The following GNPTAB variants were observed in gnomAD, a reference collection of about 807,000 sequenced individuals.
GNPTAB encodes the protein N-acetylglucosamine-1-phosphotransferase subunits alpha/beta.
Under a neutral mutation model 136.6 loss-of-function variants are expected in GNPTAB, and 92 were observed. The ratio of observed to expected loss-of-function variants is 0.67; its 90% CI spans 0.57 to 0.80. The LOEUF is 0.80. Ranked by LOEUF, GNPTAB falls within the 30% of genes least tolerant of loss-of-function variation. The pLI, the probability that GNPTAB is intolerant of heterozygous loss-of-function variation, is 0.00. For synonymous variants in GNPTAB, 512 were observed against 535.1 expected, an observed-to-expected ratio of 0.96 and a Z score of 0.60; for missense variants, 1,343 against 1,501.8, an observed-to-expected ratio of 0.89 and a Z score of 1.75.
chr12:101,765,752 T>C (rs1371378156), intron 12 of GNPTAB: 4 of 359,368 alleles, frequency 1.1e-5, no homozygotes, highest in South Asian at 1.0e-4. Context: ...TAATACGCTA[T>C]CAACAAAATC....
intron 18 of GNPTAB, 82 bp from the exon 19 acceptor site, chr12:101,753,621 A>G: frequency 9.0e-7 from 1 of 1,114,102 alleles, no homozygotes; most frequent in Non-Finnish European, 1.4e-6. Context: ...TTCCAAATAT[A>G]TTTTAAATGG....
At chr12:101,758,049 T>C (rs1455629108) in intron 16 of GNPTAB, among the ~76,000 whole-genome samples, 6 of 151,444 alleles carry the variant, frequency 4.0e-5, no homozygotes, top group African/African-American at 1.5e-4. Flanking sequence ...TTTTTTTTTT[T>C]TTTTTTTGAG....
chr12:101,812,326 C>G (rs1406981694), intron 1 of GNPTAB, among the ~76,000 whole-genome samples: 1 of 152,104 alleles, frequency 6.6e-6, no homozygotes, highest in Non-Finnish European at 1.5e-5. Flanking sequence ...GGGGAAGTCC[C>G]CCACTATGAT....
intron 16 of GNPTAB, among the ~76,000 whole-genome samples, chr12:101,759,193 C>G (rs1282036309): frequency 6.6e-6 from 1 of 151,986 alleles, no homozygotes; most frequent in Non-Finnish European, 1.5e-5. Flanking sequence ...GAAACCCCGT[C>G]TCTACTAAAA....
chr12:101,818,807 G>A (rs184311236), intron 1 of GNPTAB, among the ~76,000 whole-genome samples: 114 of 152,218 alleles, frequency 7.5e-4, no homozygotes, highest in East Asian at 2.3e-3. Context: ...GGAGGTAACC[G>A]AATCATGGGA....
Position 101,764,871 on chromosome 12 carries a change from A to T in GNPTAB, c.2046T>A (p.Asp682Glu). 1 of 1,614,196 alleles carries T rather than the reference A, an allele frequency of 6.2e-7. No homozygotes were observed. The highest frequency in any genetic ancestry group is 8.5e-7 in the Non-Finnish European group (1 of 1,180,026). The part of the protein sequence containing the change: ...EKRFPKFKRH[D>E]VNSTRRAQEE... ...CCTGGGCTCTCCTTGTTGAGTTAAC[A>T]TCATGTCTCTTAAACTTCGGGAAGC... The change falls in exon 13 of 21, where the codon GAT becomes GAA. Residue 682 changes from aspartate (D) to glutamate (E), a missense_variant. By Grantham distance (45) the Asp-to-Glu change is conservative. Transcript: ENST00000299314.
At position 101,761,740 on chromosome 12, in the gene GNPTAB, TTG is replaced by T. The variant is rs2137113019; in HGVS notation, c.2737_2738del (p.Gln913IlefsTer6). On this transcript the variant is annotated frameshift_variant, in exon 14 of 21. Coordinates refer to ENST00000299314, the MANE Select transcript of GNPTAB (RefSeq NM_024312.5). LOFTEE classifies it high-confidence loss of function. ...TTTTGCTATCAGTGAAGTATGCCAA[TTG>T]TGTCTTCAATGACTCTTCTTCCTGA... ...LLDEEESLKTQLAYFTDSKNT... is the reference protein window; with the variant it reads ...LLDEEESLKTXLAYFTDSKNT... The T allele has an allele frequency of 1.2e-6, 2 of 1,613,322 alleles. No homozygotes were observed. Among genetic ancestry groups the T allele is most frequent in the Non-Finnish European group, 8.5e-7 (1 of 1,179,300 alleles).
chr12:101,774,234 T>C (rs924562387), intron 7 of GNPTAB, among the ~76,000 whole-genome samples: 6 of 152,178 alleles, frequency 3.9e-5, no homozygotes, highest in African/African-American at 9.7e-5. Flanking sequence ...ATATAGATGA[T>C]GGTCAGGAGA....
intron 7 of GNPTAB, among the ~76,000 whole-genome samples, chr12:101,772,733 C>T (rs1354225179): frequency 1.3e-5 from 2 of 152,198 alleles, no homozygotes; most frequent in African/African-American, 2.4e-5. Flanking sequence ...CTGTCCCTTT[C>T]CTCCCTCTCA....
intron 11 of GNPTAB, among the ~76,000 whole-genome samples, chr12:101,767,234 T>A (rs1053377308): frequency 2.0e-5 from 3 of 152,232 alleles, no homozygotes; most frequent in Non-Finnish European, 4.4e-5. Flanking sequence ...TTCAAGTGAA[T>A]ATAATGAATA....
At chr12:101,825,267 C>T (rs566737609) in intron 1 of GNPTAB, among the ~76,000 whole-genome samples, 3 of 152,284 alleles carry the variant, frequency 2.0e-5, no homozygotes, top group South Asian at 2.1e-4. Context: ...TATATTCTGA[C>T]GACAGCATCT....
chr12:101,824,009 G>C (rs575366271), intron 1 of GNPTAB, among the ~76,000 whole-genome samples: 1 of 152,032 alleles, frequency 6.6e-6, no homozygotes, highest in Admixed American at 6.5e-5. Context: ...CTGTTGTTCC[G>C]GCCCTTCTTT....
chr12:101,824,428 A>ATTTTTT (rs1566103056), intron 1 of GNPTAB, among the ~76,000 whole-genome samples: 1 of 84,064 alleles, frequency 1.2e-5, no homozygotes, highest in Admixed American at 1.3e-4. Context: ...ATATATATAT[A>ATTTTTT]TATATTTTCT....
At chr12:101,770,324 A>G in intron 9 of GNPTAB, 82 bp downstream of exon 9, 1 of 1,357,526 alleles carries the variant, frequency 7.4e-7, no homozygotes, top group Non-Finnish European at 1.1e-6. Flanking sequence ...GGTAAAGGGA[A>G]TGAAATTATG....
In GNPTAB at chr12:101,770,113, G is replaced by A. The variant is rs147645211; in HGVS notation, c.1192C>T (p.Leu398=). Residue 398 remains leucine, a synonymous_variant, in exon 10 of 21, where the codon CTG becomes TTG. Coordinates refer to ENST00000299314, the MANE Select transcript of GNPTAB (RefSeq NM_024312.5). ...IESHIHRIEG[L]SQKFIYLNDD... ...TTTAGGTAAATAAACTTCTGGGACA[G>A]CCCTTCGATGCGATGAATGTGACTT... The A allele has an allele frequency of 1.9e-6, 3 of 1,613,944 alleles. No individual in the cohort carries two copies. The highest frequency in any genetic ancestry group is 1.7e-5 in the Admixed American group (1 of 60,006).
chr12:101,769,725 C>T (rs1953142371), intron 10 of GNPTAB, among the ~76,000 whole-genome samples: 1 of 151,974 alleles, frequency 6.6e-6, no homozygotes, highest in South Asian at 2.1e-4. Context: ...CAGTGACCCC[C>T]TACTCCCCCC....
At chr12:101,788,523 CTT>C (rs1260724427) in intron 4 of GNPTAB, 23 bp downstream of exon 4, 4 of 1,383,984 alleles carry the variant, frequency 2.9e-6, no homozygotes, top group Non-Finnish European at 4.1e-6. Flanking sequence ...ACTTTTTACT[CTT>C]GAGAGGAAAT....
rs1208324309 is a variant in GNPTAB at position 101,768,248 on chromosome 12, T to C, written c.1285-88A>G. 6.3e-5 allele frequency: 92 copies of C among 1,452,420 alleles called. 1 individual carries two copies. The highest frequency in any genetic ancestry group is 5.4e-4 in the South Asian group (45 of 83,806). 90.0% of individuals were successfully genotyped at this position (1,452,420 alleles called of 1,614,324 possible). A position where few individuals can be genotyped will look rare whatever the true frequency, so the allele number is the denominator to read the frequency against. On this transcript the variant is annotated intron_variant, in intron 10 of 20. Coordinates refer to ENST00000299314, the MANE Select transcript of GNPTAB (RefSeq NM_024312.5). The stretch of plus-strand genomic sequence containing the variant: ...TTAAGATTCCCTTTATAAAAAGAAA[T>C]TAAGTCTCTAGAAAGATTAAAATTT...
At chr12:101,818,636 CA>C (rs2137183279) in intron 1 of GNPTAB, among the ~76,000 whole-genome samples, 1 of 152,312 alleles carries the variant, frequency 6.6e-6, no homozygotes, top group African/African-American at 2.4e-5. Flanking sequence ...CTCAGACTCC[CA>C]AAGTGTTGGG....
Sources: gnomAD v4.1 joint callset for allele counts (sites outside exome capture counted in the v4.1 genomes callset) on GRCh38, gnomAD v4.1.1 for gene constraint, MANE v1.5 for transcripts, NCBI Gene and HGNC (gene_info 2026-07-23, HGNC 2026-07-21) for gene names.